SLC41A2: variants seen among roughly 807,000 people sequenced by gnomAD.
SLC41A2 encodes solute carrier family 41 member 2.
In SLC41A2, 32 loss-of-function variants were observed where a neutral mutation model predicts 58.3. That is an observed-to-expected ratio of 0.55 (90% CI 0.41 to 0.74). The LOEUF (loss-of-function observed/expected upper bound fraction) is 0.74, where lower values mean the gene tolerates loss of function less well. Ranked by LOEUF, SLC41A2 falls within the 30% of genes least tolerant of loss-of-function variation. SLC41A2 has a pLI of 0.00. For missense variants in SLC41A2, 514 were observed against 680.6 expected, an observed-to-expected ratio of 0.76 and a Z score of 2.72; for synonymous variants, 190 against 235.0, an observed-to-expected ratio of 0.81 and a Z score of 1.75.
At chr12:104,901,107 A>G (rs761877401) in intron 3 of SLC41A2, among the ~76,000 whole-genome samples, 7 of 152,348 alleles carry the variant, frequency 4.6e-5, no homozygotes, top group Middle Eastern at 3.4e-3. Context: ...AAGAGGTTTG[A>G]GGCAATAGAA....
At chr12:104,901,723 T>C (rs1233516466) in intron 3 of SLC41A2, among the ~76,000 whole-genome samples, 1 of 152,114 alleles carries the variant, frequency 6.6e-6, no homozygotes, top group African/African-American at 2.4e-5. Context: ...CTAATTTTTT[T>C]ATTTTTTGTA....
chr12:104,834,062 C>A (rs1028570803), intron 10 of SLC41A2: 1 of 985,202 alleles, frequency 1.0e-6, no homozygotes, highest in Non-Finnish European at 1.2e-6. Context: ...CTTTACAAGA[C>A]CGAAAAGAGC....
At chr12:104,820,705 G>A (rs770826466) in intron 10 of SLC41A2, among the ~76,000 whole-genome samples, 16 of 151,848 alleles carry the variant, frequency 1.1e-4, no homozygotes, top group Non-Finnish European at 2.4e-4. Flanking sequence ...GCAATGGTGC[G>A]ATCTTGGCCC....
At chr12:104,938,410 G>A (rs573337679) in intron 1 of SLC41A2, among the ~76,000 whole-genome samples, 30 of 152,230 alleles carry the variant, frequency 2.0e-4, no homozygotes, top group Non-Finnish European at 2.8e-4. Flanking sequence ...GAGGATTCTC[G>A]TCTCTACCTG....
intron 3 of SLC41A2, among the ~76,000 whole-genome samples, chr12:104,895,896 G>A (rs545433855): frequency 1.3e-5 from 2 of 152,114 alleles, no homozygotes; most frequent in South Asian, 4.2e-4. Context: ...ACATCTTTCT[G>A]CTAAATGGAA....
At chr12:104,828,622 A>G (rs962466696) in intron 10 of SLC41A2, among the ~76,000 whole-genome samples, 1 of 152,224 alleles carries the variant, frequency 6.6e-6, no homozygotes, top group Non-Finnish European at 1.5e-5. Flanking sequence ...GGTGTACGGA[A>G]GAAGCGAGCC....
intron 5 of SLC41A2, among the ~76,000 whole-genome samples, chr12:104,887,032 C>G (rs1452690053): frequency 6.6e-6 from 1 of 151,856 alleles, no homozygotes; most frequent in Non-Finnish European, 1.5e-5. Context: ...GTCTATAAAC[C>G]TACGAGAGAA....
intron 1 of SLC41A2, among the ~76,000 whole-genome samples, chr12:104,942,790 T>C (rs770605410): frequency 1.7e-4 from 26 of 152,230 alleles, no homozygotes; most frequent in Non-Finnish European, 3.2e-4. Flanking sequence ...AGTTGTATTA[T>C]TTATGTTTTA....
At chr12:104,858,640 G>A (rs2043101930) in intron 8 of SLC41A2, among the ~76,000 whole-genome samples, 1 of 152,044 alleles carries the variant, frequency 6.6e-6, no homozygotes, top group East Asian at 1.9e-4. Flanking sequence ...TTAAAGAGTG[G>A]AATTTATAAG....
intron 2 of SLC41A2, among the ~76,000 whole-genome samples, chr12:104,924,907 A>G (rs1458389417): frequency 6.6e-6 from 1 of 152,180 alleles, no homozygotes; most frequent in Non-Finnish European, 1.5e-5. Context: ...AAAAAGCCAC[A>G]CACACACAAA....
rs2044672526 is a variant in SLC41A2, at chr12:104,886,506, A to G, written c.881-67T>C. The G allele has an allele frequency of 4.6e-6, 7 of 1,519,532 alleles. No individual in the cohort carries two copies. The Admixed American group carries it at 1.2e-4, about 27-fold the overall frequency. The allele number at this position is 1,519,532 out of a possible 1,614,324, so 94.1% of individuals were successfully genotyped here. On this transcript the variant is annotated intron_variant, in intron 5 of 10. Coordinates refer to ENST00000258538, the MANE Select transcript of SLC41A2 (RefSeq NM_001352171.3). Reference sequence around the variant, plus strand: ...AAGAAAATCAATCCCCCAAATACCAAAATGTGTAGGATAGAAAAACAGCAT... The same window carrying G: ...AAGAAAATCAATCCCCCAAATACCAGAATGTGTAGGATAGAAAAACAGCAT...
chr12:104,920,660 C>G (rs145244570), intron 2 of SLC41A2, among the ~76,000 whole-genome samples: 1,883 of 152,114 alleles, frequency 0.012, 51 homozygotes, highest in African/African-American at 0.043. Context: ...CGTGGTGGCT[C>G]ACACCTGTAA....
Position 104,884,424 on chromosome 12 carries a change from G to A in SLC41A2, c.1027+1869C>T, listed in dbSNP as rs541401156. Among the ~76,000 whole-genome samples, 31 of 152,168 alleles carry A rather than the reference G, an allele frequency of 2.0e-4. No homozygotes were observed. In the East Asian group the frequency reaches 4.1e-3, roughly 20 times the overall value. The stretch of plus-strand genomic sequence containing the variant: ...GCAGAAATCACCCATCTTCTGCGTC[G>A]CTCACTGAGAGCTGTAGACTGGAGC... On this transcript the variant is annotated intron_variant, in intron 6 of 10. Transcript: ENST00000258538.
At chr12:104,940,532 T>TA (rs74199054) in intron 1 of SLC41A2, among the ~76,000 whole-genome samples, 17 of 142,380 alleles carry the variant, frequency 1.2e-4, no homozygotes, top group South Asian at 4.5e-4. Flanking sequence ...AAATATAAGC[T>TA]AAAAAAAAAA....
intron 10 of SLC41A2, among the ~76,000 whole-genome samples, chr12:104,816,113 G>A (rs955885803): frequency 5.9e-5 from 9 of 152,052 alleles, no homozygotes; most frequent in African/African-American, 2.2e-4. Flanking sequence ...TGATTCCAAA[G>A]CCCACACTGC....
intron 1 of SLC41A2, among the ~76,000 whole-genome samples, chr12:104,931,285 T>C (rs1427470774): frequency 1.3e-5 from 2 of 152,234 alleles, no homozygotes; most frequent in Non-Finnish European, 2.9e-5. Flanking sequence ...CTTTAGCTAA[T>C]GGTATCTCCA....
At chr12:104,956,303 G>A (rs1456990682) in intron 1 of SLC41A2, among the ~76,000 whole-genome samples, 1 of 152,148 alleles carries the variant, frequency 6.6e-6, no homozygotes, top group African/African-American at 2.4e-5. Context: ...AGATTGGTTG[G>A]ATTTTTTCAA....
In SLC41A2 at chr12:104,804,421, A is replaced by G. The variant is rs1014822359; in HGVS notation, c.*731T>C. 3.9e-5 allele frequency: 6 copies of G among 152,126 alleles called. No homozygotes were observed. The highest frequency in any genetic ancestry group is 8.8e-5 in the Non-Finnish European group (6 of 68,008). The allele number at this position is 152,126 out of a possible 1,614,324, so 9.4% of individuals were successfully genotyped here. ...ATCTCAGGTTATATTCTGTTTTTGA[A>G]GATTACATTTTTTAAAACACATCAA... On this transcript the variant is annotated 3_prime_UTR_variant, in exon 11 of 11. Coordinates refer to ENST00000258538, the MANE Select transcript of SLC41A2 (RefSeq NM_001352171.3).
intron 10 of SLC41A2, among the ~76,000 whole-genome samples, chr12:104,811,298 C>T (rs937885880): frequency 5.9e-5 from 9 of 152,224 alleles, no homozygotes; most frequent in African/African-American, 2.2e-4. Flanking sequence ...TGGCTAAATT[C>T]ACTGTTAAGT....
Sources: allele counts gnomAD v4.1 joint callset (sites outside exome capture counted in the v4.1 genomes callset), GRCh38; gene constraint gnomAD v4.1.1; transcripts MANE v1.5; gene names NCBI Gene and HGNC (gene_info 2026-07-23, HGNC 2026-07-21).